Variants in TTC27 observed in about 807,000 individuals in gnomAD.
The protein encoded by TTC27 is tetratricopeptide repeat domain 27, also known as tetratricopeptide repeat protein 27.
Under a neutral mutation model 115.9 loss-of-function variants are expected in TTC27, and 79 were observed. The ratio of observed to expected loss-of-function variants is 0.68; its 90% CI spans 0.57 to 0.82. TTC27 has a LOEUF of 0.82. Ranked by LOEUF, TTC27 falls within the 40% of genes least tolerant of loss-of-function variation. TTC27 has a pLI of 0.00. For missense variants in TTC27, 1,054 were observed against 993.1 expected (o/e 1.06, Z -0.82); for synonymous variants, 401 against 356.0 (o/e 1.13, Z -1.42).
At chr2:32,809,682 C>A (rs1007634564) in intron 16 of TTC27, among the ~76,000 whole-genome samples, 1 of 152,194 alleles carries the variant, frequency 6.6e-6, no homozygotes, top group African/African-American at 2.4e-5. Context: ...GTTTTCTGTG[C>A]CTTCAGATAC....
intron 16 of TTC27, among the ~76,000 whole-genome samples, chr2:32,794,577 G>T (rs2148029577): frequency 6.7e-6 from 1 of 149,330 alleles, no homozygotes; most frequent in East Asian, 2.0e-4. Flanking sequence ...AAGAAAATAA[G>T]AATAAAGATT....
chr2:32,631,740 C>T (rs1185612197), intron 2 of TTC27, among the ~76,000 whole-genome samples: 1 of 151,970 alleles, frequency 6.6e-6, no homozygotes, highest in Non-Finnish European at 1.5e-5. Context: ...AACCCATATT[C>T]ATAAGGAGTT....
At chr2:32,640,483 T>C (rs1664601953) in intron 4 of TTC27, 73 bp downstream of exon 4, 1 of 1,432,676 alleles carries the variant, frequency 7.0e-7, no homozygotes, top group Non-Finnish European at 9.6e-7. Context: ...TGTAGATGTG[T>C]TGCTGACAAT....
intron 5 of TTC27, among the ~76,000 whole-genome samples, chr2:32,655,083 C>T (rs528040219): frequency 6.0e-4 from 91 of 151,514 alleles, no homozygotes; most frequent in Middle Eastern, 3.4e-3. Flanking sequence ...CTGCCTCCTG[C>T]GTTCAAGTGA....
intron 16 of TTC27, among the ~76,000 whole-genome samples, chr2:32,794,002 T>TG (rs1278074589): frequency 6.6e-6 from 1 of 152,208 alleles, no homozygotes; most frequent in African/African-American, 2.4e-5. Flanking sequence ...GTGTATGTTT[T>TG]GGGGCACACC....
intron 17 of TTC27, 129 bp from the exon 18 acceptor site, chr2:32,812,375 G>A (rs553627879): frequency 3.2e-6 from 2 of 633,156 alleles, no homozygotes; most frequent in Non-Finnish European, 5.5e-6. Flanking sequence ...GAGAGTAATA[G>A]ACGCTGTGCT....
At chr2:32,650,262 G>T in intron 5 of TTC27, 29 bp downstream of exon 5, 1 of 1,560,956 alleles carries the variant, frequency 6.4e-7, no homozygotes. Context: ...TTTGATATGG[G>T]CATGTAGCTC....
At position 32,770,752 on chromosome 2, in the gene TTC27, C is replaced by T. The variant is rs1396805156; in HGVS notation, c.1681-7130C>T. ...TAGCGGTTTGTACATGCTGCTCTTC[C>T]TTGATTTAACTTTTTCTTTCATTTT... On this transcript the variant is annotated intron_variant, in intron 13 of 19. Coordinates refer to ENST00000317907, the MANE Select transcript of TTC27 (RefSeq NM_017735.5). Among the ~76,000 whole-genome samples, 3 of 152,072 alleles carry T rather than the reference C, an allele frequency of 2.0e-5. No individual in the cohort carries two copies. In the East Asian group the frequency reaches 5.8e-4, roughly 29 times the overall value.
rs1446074384 is a variant in TTC27, at chr2:32,782,690, A to G, written c.1832+12A>G. On this transcript the variant is annotated intron_variant, in intron 15 of 19. Coordinates refer to ENST00000317907, the MANE Select transcript of TTC27 (RefSeq NM_017735.5). ...CGATTAAAACAAAAGTAAGTACATC[A>G]GACAAATATGAAGAAATTTGCTTCC... 6.2e-7 allele frequency: 1 copy of G among 1,600,254 alleles called. No individual in the cohort carries two copies. The highest frequency in any genetic ancestry group is 8.5e-7 in the Non-Finnish European group (1 of 1,170,876).
intron 13 of TTC27, among the ~76,000 whole-genome samples, chr2:32,769,494 G>A (rs1275542398): frequency 6.6e-6 from 1 of 152,164 alleles, no homozygotes; most frequent in Admixed American, 6.5e-5. Flanking sequence ...ACTCAGAGGG[G>A]CAGAAAAGTC....
chr2:32,677,184 A>G (rs1412940743), intron 8 of TTC27, among the ~76,000 whole-genome samples: 1 of 152,020 alleles, frequency 6.6e-6, no homozygotes, highest in African/African-American at 2.4e-5. Context: ...TTCTCTCATT[A>G]TTGTATTCCT....
rs1670280650 is a variant in TTC27 at position 32,784,343 on chromosome 2, TC to T, written c.1832+1667del. Among the ~76,000 whole-genome samples, 13 of 152,350 alleles carry T rather than the reference TC, an allele frequency of 8.5e-5. No homozygotes were observed. In the South Asian group the frequency reaches 2.7e-3, roughly 32 times the overall value. ...TGAGATAAATCATTTCTTTATTCTT[TC>T]CTGTTTACTCTTTTCTTTCTTTGCT... is the stretch of plus-strand genomic sequence containing the variant. On this transcript the variant is annotated intron_variant, in intron 15 of 19. Coordinates refer to ENST00000317907, the MANE Select transcript of TTC27 (RefSeq NM_017735.5).
intron 1 of TTC27, among the ~76,000 whole-genome samples, chr2:32,630,178 A>C (rs150107523): frequency 1.2e-4 from 18 of 152,312 alleles, no homozygotes; most frequent in African/African-American, 4.1e-4. Flanking sequence ...CCAGATTGTG[A>C]AAAGTTTTAG....
intron 10 of TTC27, chr2:32,704,811 A>C: frequency 2.1e-6 from 1 of 466,212 alleles, no homozygotes; most frequent in South Asian, 1.6e-5. Flanking sequence ...CAGGTCATAG[A>C]ATTTTGGCTG....
intron 9 of TTC27, among the ~76,000 whole-genome samples, chr2:32,700,932 ATT>A (rs1367684211): frequency 6.6e-6 from 1 of 152,018 alleles, no homozygotes; most frequent in Non-Finnish European, 1.5e-5. Context: ...TCTCTTTCAT[ATT>A]TTTATAGGTC....
intron 9 of TTC27, among the ~76,000 whole-genome samples, chr2:32,690,048 A>T (rs1405960041): frequency 6.6e-6 from 1 of 152,224 alleles, no homozygotes; most frequent in Non-Finnish European, 1.5e-5. Context: ...GCTTAAGGTC[A>T]TCATGAGTAG....
intron 16 of TTC27, among the ~76,000 whole-genome samples, chr2:32,787,923 C>T (rs2148022756): frequency 6.6e-6 from 1 of 152,300 alleles, no homozygotes; most frequent in East Asian, 1.9e-4. Flanking sequence ...AATCTGTTTG[C>T]ACAGTCCCCT....
At chr2:32,648,734 G>T (rs188120112) in intron 4 of TTC27, among the ~76,000 whole-genome samples, 1 of 152,054 alleles carries the variant, frequency 6.6e-6, no homozygotes, top group African/African-American at 2.4e-5. Context: ...TTTCCTACTG[G>T]GTGCAGTGCC....
intron 18 of TTC27, among the ~76,000 whole-genome samples, chr2:32,816,412 GTA>G (rs1671503557): frequency 6.6e-6 from 1 of 152,144 alleles, no homozygotes; most frequent in African/African-American, 2.4e-5. Flanking sequence ...TTTTAAAGGA[GTA>G]TCTGATTATT....
Sources: gnomAD v4.1 joint callset for allele counts (sites outside exome capture counted in the v4.1 genomes callset) on GRCh38, gnomAD v4.1.1 for gene constraint, MANE v1.5 for transcripts, NCBI Gene and HGNC (gene_info 2026-07-23, HGNC 2026-07-21) for gene names.